PDE11A: variants seen among roughly 807,000 people sequenced by gnomAD.
PDE11A encodes the protein dual 3',5'-cyclic-AMP and -GMP phosphodiesterase 11A.
In PDE11A, 100 loss-of-function variants were observed where a neutral mutation model predicts 100.5. That is an observed-to-expected ratio of 1.00 (90% CI 0.85 to 1.18). The LOEUF (loss-of-function observed/expected upper bound fraction) is 1.18. Ranked by LOEUF, PDE11A falls within the 50% of genes most tolerant of loss-of-function variation. The probability of loss-of-function intolerance (pLI) is 0.00; values close to 1 mark genes in which losing one functional copy is unlikely to be tolerated. For synonymous variants in PDE11A, 381 were observed against 420.8 expected, an observed-to-expected ratio of 0.91 and a Z score of 1.16; for missense variants, 1,141 against 1,152.6, an observed-to-expected ratio of 0.99 and a Z score of 0.15.
Position 177,981,910 on chromosome 2 carries a change from C to T in PDE11A, c.1071+32392G>A, listed in dbSNP as rs1373822846. On this transcript the variant is annotated intron_variant, in intron 2 of 19. Transcript: ENST00000286063. ...ATGAACTTAATGAGTATCCTTCCTG[C>T]GCTTAGCTGAATCCGGAAAGGCAGG... Among the ~76,000 whole-genome samples the T allele has an allele frequency of 5.3e-5, 8 of 150,814 alleles. 1 individual carries two copies. Among genetic ancestry groups the T allele is most frequent in the Non-Finnish European group, 1.0e-4 (7 of 67,326 alleles).
chr2:177,808,362 T>C (rs1377353343), intron 9 of PDE11A, among the ~76,000 whole-genome samples: 1 of 152,142 alleles, frequency 6.6e-6, no homozygotes, highest in Non-Finnish European at 1.5e-5. Context: ...AGTAACTTGG[T>C]CTGAAAAAAT....
chr2:177,819,943 C>T (rs867216865), intron 7 of PDE11A, among the ~76,000 whole-genome samples: 1 of 146,748 alleles, frequency 6.8e-6, no homozygotes, highest in Non-Finnish European at 1.5e-5. Flanking sequence ...CCTCTATTTC[C>T]ACAGGGTGAG....
chr2:177,888,297 A>C (rs2084473931), intron 4 of PDE11A, among the ~76,000 whole-genome samples: 2 of 152,172 alleles, frequency 1.3e-5, no homozygotes, highest in Admixed American at 6.5e-5. Flanking sequence ...GAAATAAACA[A>C]ATAGACCAGC....
At chr2:177,936,618 A>C (rs1268553638) in intron 2 of PDE11A, among the ~76,000 whole-genome samples, 1 of 152,174 alleles carries the variant, frequency 6.6e-6, no homozygotes, top group East Asian at 1.9e-4. Flanking sequence ...TTATTTCAGG[A>C]CTTTAAAAAT....
chr2:177,817,184 C>T (rs1330257325), intron 8 of PDE11A, among the ~76,000 whole-genome samples: 2 of 152,172 alleles, frequency 1.3e-5, no homozygotes, highest in Non-Finnish European at 2.9e-5. Flanking sequence ...CATACTTACA[C>T]TCTGTTTAAG....
At chr2:177,892,766 T>C (rs1399584149) in intron 4 of PDE11A, among the ~76,000 whole-genome samples, 1 of 152,218 alleles carries the variant, frequency 6.6e-6, no homozygotes, top group Non-Finnish European at 1.5e-5. Context: ...TAACACTGGA[T>C]ATGCATAAAT....
intron 1 of PDE11A, among the ~76,000 whole-genome samples, chr2:178,067,892 C>T (rs535942731): frequency 2.6e-5 from 4 of 152,152 alleles, no homozygotes; most frequent in Non-Finnish European, 4.4e-5. Flanking sequence ...GAAAGGCAGG[C>T]GCACCTGTAA....
intron 1 of PDE11A, among the ~76,000 whole-genome samples, chr2:178,058,747 T>G (rs1303741605): frequency 6.6e-6 from 1 of 152,104 alleles, no homozygotes; most frequent in Admixed American, 6.5e-5. Context: ...GCATCTGCCT[T>G]CAAGGAGCTC....
At chr2:177,931,785 G>T (rs192617114) in intron 2 of PDE11A, among the ~76,000 whole-genome samples, 35 of 151,036 alleles carry the variant, frequency 2.3e-4, no homozygotes, top group Admixed American at 2.3e-3. Context: ...TAGAAGAAAA[G>T]AAATAACTGA....
chr2:177,902,751 C>T (rs944850932), intron 3 of PDE11A, among the ~76,000 whole-genome samples: 4 of 152,186 alleles, frequency 2.6e-5, no homozygotes, highest in Admixed American at 1.3e-4. Flanking sequence ...TGTTTACTTG[C>T]CAGCTGTGCC....
At chr2:178,043,371 G>C (rs2086706612) in intron 1 of PDE11A, among the ~76,000 whole-genome samples, 1 of 152,136 alleles carries the variant, frequency 6.6e-6, no homozygotes, top group African/African-American at 2.4e-5. Context: ...ATCCAGAAAA[G>C]ACAGATCAAG....
intron 9 of PDE11A, among the ~76,000 whole-genome samples, chr2:177,805,932 T>G (rs1218669705): frequency 2.0e-5 from 3 of 152,140 alleles, no homozygotes; most frequent in Non-Finnish European, 1.5e-5. Flanking sequence ...AAAATTCCAG[T>G]CAAGAGAAGC....
At chr2:177,774,370 C>T (rs769693735) in intron 9 of PDE11A, among the ~76,000 whole-genome samples, 8 of 152,204 alleles carry the variant, frequency 5.3e-5, no homozygotes, top group African/African-American at 1.4e-4. Context: ...TGGAACAGCT[C>T]GTGTCAAGGC....
chr2:177,728,396 C>G (rs940848104), intron 10 of PDE11A, among the ~76,000 whole-genome samples: 3 of 151,720 alleles, frequency 2.0e-5, no homozygotes, highest in Admixed American at 6.6e-5. Flanking sequence ...GGGAGGGAAA[C>G]TAATCTGAAG....
intron 1 of PDE11A, among the ~76,000 whole-genome samples, chr2:178,024,780 T>C (rs1666213711): frequency 6.6e-6 from 1 of 152,252 alleles, no homozygotes; most frequent in Admixed American, 6.5e-5. Context: ...CTATATCATT[T>C]AGTAATACTC....
At chr2:177,822,358 C>T (rs1222263627) in intron 6 of PDE11A, among the ~76,000 whole-genome samples, 1 of 151,908 alleles carries the variant, frequency 6.6e-6, no homozygotes, top group Admixed American at 6.6e-5. Context: ...ATACCTCTCC[C>T]CATCACTCTA....
At chr2:178,013,208 T>C (rs554256925) in intron 2 of PDE11A, among the ~76,000 whole-genome samples, 1 of 152,290 alleles carries the variant, frequency 6.6e-6, no homozygotes, top group South Asian at 2.1e-4. Context: ...GTCTCCTGCC[T>C]TGTGTAGCTC....
At chr2:177,935,778 C>G (rs1235590361) in intron 2 of PDE11A, among the ~76,000 whole-genome samples, 1 of 152,166 alleles carries the variant, frequency 6.6e-6, no homozygotes, top group African/African-American at 2.4e-5. Context: ...TAACACCTAC[C>G]ATAAATGCGA....
At chr2:177,927,129 T>C (rs954404319) in intron 2 of PDE11A, 3 of 152,234 alleles carry the variant, frequency 2.0e-5, no homozygotes, top group African/African-American at 7.2e-5. Flanking sequence ...CAAGTGACCC[T>C]GACCCACACC....
Sources: gnomAD v4.1 joint callset for allele counts (sites outside exome capture counted in the v4.1 genomes callset) on GRCh38, gnomAD v4.1.1 for gene constraint, MANE v1.5 for transcripts, NCBI Gene and HGNC (gene_info 2026-07-23, HGNC 2026-07-21) for gene names.